SCLT1: variants seen among roughly 807,000 people sequenced by gnomAD.
SCLT1 encodes the protein sodium channel-associated protein 1.
A neutral mutation model predicts 112.8 loss-of-function variants in SCLT1; 78 were observed. The ratio of observed to expected loss-of-function variants is 0.69; its 90% CI spans 0.58 to 0.83. The LOEUF (loss-of-function observed/expected upper bound fraction) is 0.83. SCLT1 is among the 40% of genes least tolerant of loss of function. SCLT1 has a pLI of 0.00. For missense variants in SCLT1, 747 were observed against 770.4 expected, an observed-to-expected ratio of 0.97 and a Z score of 0.36; for synonymous variants, 257 against 254.7, an observed-to-expected ratio of 1.01 and a Z score of -0.09.
intron 5 of SCLT1, among the ~76,000 whole-genome samples, chr4:129,014,752 A>C (rs1221546134): frequency 6.6e-6 from 1 of 152,228 alleles, no homozygotes; most frequent in Admixed American, 6.5e-5. Flanking sequence ...AAAGTGTTTC[A>C]TAGTGCAGTG....
At chr4:129,084,920 C>T (rs970103601) in intron 1 of SCLT1, among the ~76,000 whole-genome samples, 8 of 152,112 alleles carry the variant, frequency 5.3e-5, no homozygotes, top group African/African-American at 9.7e-5. Flanking sequence ...ATAAAAACCC[C>T]GGAAGACAAC....
intron 2 of SCLT1, among the ~76,000 whole-genome samples, chr4:129,047,228 C>A (rs369362030): frequency 3.9e-5 from 6 of 152,054 alleles, no homozygotes; most frequent in African/African-American, 1.2e-4. Context: ...AAGTTTTGTT[C>A]TAAAAGCTTT....
intron 2 of SCLT1, among the ~76,000 whole-genome samples, chr4:129,051,689 C>T (rs1748808870): frequency 6.6e-6 from 1 of 152,178 alleles, no homozygotes; most frequent in Non-Finnish European, 1.5e-5. Flanking sequence ...AATATGACTT[C>T]CTCTTTTCCT....
intron 5 of SCLT1, chr4:129,036,769 C>G (rs1372664265): frequency 6.6e-6 from 1 of 151,536 alleles, no homozygotes; most frequent in African/African-American, 2.4e-5. Flanking sequence ...TTTTAAGGAA[C>G]AGCATGTATT....
chr4:129,040,003 T>TA, intron 4 of SCLT1: 1 of 572,524 alleles, frequency 1.7e-6, no homozygotes, highest in Non-Finnish European at 3.2e-6. Context: ...GATTGTGTAT[T>TA]AGTCTTGATT....
At chr4:128,909,799 T>C (rs955618893) in intron 18 of SCLT1, among the ~76,000 whole-genome samples, 37 of 152,294 alleles carry the variant, frequency 2.4e-4, no homozygotes, top group African/African-American at 8.9e-4. Context: ...TCAGTGTGAC[T>C]GGAGCATAAA....
intron 2 of SCLT1, among the ~76,000 whole-genome samples, chr4:129,075,874 A>AT (rs930731006): frequency 6.6e-6 from 1 of 152,048 alleles, no homozygotes; most frequent in Admixed American, 6.6e-5. Context: ...TCAAATAACT[A>AT]TTTTTTTATG....
chr4:129,010,440 A>T (rs1473236669), intron 5 of SCLT1, among the ~76,000 whole-genome samples: 5 of 152,172 alleles, frequency 3.3e-5, no homozygotes, highest in African/African-American at 1.2e-4. Context: ...AGTTTTTTCT[A>T]GTTCTGTGAA....
chr4:128,987,026 G>C (rs35961303), intron 9 of SCLT1, among the ~76,000 whole-genome samples: 1 of 152,076 alleles, frequency 6.6e-6, no homozygotes, highest in African/African-American at 2.4e-5. Context: ...TCTTACCGAA[G>C]TCTAGCAAGT....
chr4:128,994,673 C>G (rs545464545), intron 8 of SCLT1, among the ~76,000 whole-genome samples: 1 of 152,044 alleles, frequency 6.6e-6, no homozygotes, highest in Non-Finnish European at 1.5e-5. Context: ...CTCTTCAACA[C>G]GTGTTGTCTT....
At chr4:129,018,160 C>T (rs893912965) in intron 5 of SCLT1, among the ~76,000 whole-genome samples, 1 of 152,230 alleles carries the variant, frequency 6.6e-6, no homozygotes, top group Non-Finnish European at 1.5e-5. Flanking sequence ...ATAGATGCCT[C>T]AGGCACTGCC....
At chr4:129,076,887 A>G (rs1751512325) in intron 2 of SCLT1, among the ~76,000 whole-genome samples, 1 of 152,138 alleles carries the variant, frequency 6.6e-6, no homozygotes, top group Non-Finnish European at 1.5e-5. Flanking sequence ...CCTGAAAAAA[A>G]TCAAGAAACC....
intron 2 of SCLT1, among the ~76,000 whole-genome samples, chr4:129,072,201 A>C (rs1428374043): frequency 2.6e-5 from 4 of 152,158 alleles, no homozygotes; most frequent in African/African-American, 9.7e-5. Context: ...GTTTTCCTTT[A>C]TAGGTTACCT....
chr4:128,920,616 C>T (rs564511661), intron 18 of SCLT1, among the ~76,000 whole-genome samples: 10 of 152,246 alleles, frequency 6.6e-5, no homozygotes, highest in African/African-American at 2.2e-4. Context: ...TCAATATCCC[C>T]TCATGTTAAA....
At chr4:128,991,396 CT>C (rs2126067959) in intron 9 of SCLT1, among the ~76,000 whole-genome samples, 1 of 151,976 alleles carries the variant, frequency 6.6e-6, no homozygotes, top group South Asian at 2.1e-4. Context: ...TGGGGAAACA[CT>C]CCAGACATTC....
chr4:129,057,808 G>C (rs1356769130), intron 2 of SCLT1, among the ~76,000 whole-genome samples: 2 of 151,384 alleles, frequency 1.3e-5, no homozygotes, highest in African/African-American at 4.9e-5. Flanking sequence ...CTGGAGTGCA[G>C]TGGCATGATC....
In SCLT1 at chr4:128,961,938, G is replaced by A. The variant is rs147969191; in HGVS notation, c.870-2161C>T. ...ATGGTGGAAATAGTTTTATTTGTTGGCTATCGTTGTTAAGAGGCAGGATTT... is the reference window on the plus strand; with the variant it reads ...ATGGTGGAAATAGTTTTATTTGTTGACTATCGTTGTTAAGAGGCAGGATTT... On this transcript the variant is annotated intron_variant, in intron 11 of 20. Transcript: ENST00000281142. Among the ~76,000 whole-genome samples the A allele has an allele frequency of 1.6e-3, 248 of 152,256 alleles. 2 individuals carry two copies. The highest frequency in any genetic ancestry group is 0.014 in the East Asian group (70 of 5,182).
chr4:128,988,233 A>C (rs900576948), intron 9 of SCLT1, among the ~76,000 whole-genome samples: 2 of 152,138 alleles, frequency 1.3e-5, no homozygotes, highest in African/African-American at 4.8e-5. Flanking sequence ...AATACCTTTC[A>C]TCAGAAGACT....
chr4:128,908,417 A>C (rs1281453607), intron 18 of SCLT1, among the ~76,000 whole-genome samples: 2 of 151,414 alleles, frequency 1.3e-5, no homozygotes, highest in African/African-American at 2.4e-5. Context: ...CAGTTACAGC[A>C]GCCAAACATT....
Sources: gnomAD v4.1 joint callset for allele counts (sites outside exome capture counted in the v4.1 genomes callset) on GRCh38, gnomAD v4.1.1 for gene constraint, MANE v1.5 for transcripts, NCBI Gene and HGNC (gene_info 2026-07-23, HGNC 2026-07-21) for gene names.